The following PREX1 variants were observed in gnomAD, a reference collection of about 807,000 sequenced individuals.
The protein encoded by PREX1 is phosphatidylinositol 3,4,5-trisphosphate-dependent Rac exchanger 1 protein.
Under a neutral mutation model 198.3 loss-of-function variants are expected in PREX1, and 41 were observed. That is an observed-to-expected ratio of 0.21 (90% CI 0.16 to 0.27). PREX1 has a LOEUF of 0.27. PREX1 is among the 10% of genes least tolerant of loss of function. The pLI is 1.00. For missense variants in PREX1, 1,620 were observed against 2,200.7 expected, an observed-to-expected ratio of 0.74 and a Z score of 5.28; for synonymous variants, 843 against 887.2, an observed-to-expected ratio of 0.95 and a Z score of 0.89.
At chr20:48,760,480 A>G (rs1238766547) in intron 1 of PREX1, among the ~76,000 whole-genome samples, 1 of 151,978 alleles carries the variant, frequency 6.6e-6, no homozygotes, top group East Asian at 1.9e-4. Context: ...CTGACTGCCA[A>G]CCACGTGACT....
chr20:48,643,187 A>T (rs1271377242), intron 27 of PREX1, among the ~76,000 whole-genome samples: 2 of 152,260 alleles, frequency 1.3e-5, no homozygotes, highest in African/African-American at 2.4e-5. Flanking sequence ...AAAATAAAAA[A>T]CAATTTCAGG....
the PREX1 span, among the ~76,000 whole-genome samples, chr20:48,862,691 T>A: frequency 1.4e-5 from 2 of 145,560 alleles, no homozygotes; most frequent in African/African-American, 2.6e-5. Flanking sequence ...AAAAAAAGAA[T>A]GAAAAATTGG....
chr20:48,847,364 T>TAAAAA, the PREX1 span, among the ~76,000 whole-genome samples: 32 of 77,210 alleles, frequency 4.1e-4, no homozygotes, highest in Non-Finnish European at 4.9e-4. Flanking sequence ...CCTTCTCTTA[T>TAAAAA]AAAAAAAAAA....
chr20:48,775,486 GACA>G (rs1239149971), intron 1 of PREX1, among the ~76,000 whole-genome samples: 1 of 152,092 alleles, frequency 6.6e-6, no homozygotes, highest in Non-Finnish European at 1.5e-5. Flanking sequence ...GGTGCACAGG[GACA>G]ACAAGGAGAC....
chr20:48,774,581 G>A (rs373108199), intron 1 of PREX1, among the ~76,000 whole-genome samples: 5 of 152,338 alleles, frequency 3.3e-5, no homozygotes, highest in South Asian at 2.1e-4. Flanking sequence ...TCATAAAAGA[G>A]GGTGATTCTG....
At chr20:48,702,051 AT>A in intron 6 of PREX1, among the ~76,000 whole-genome samples, 1 of 152,208 alleles carries the variant, frequency 6.6e-6, no homozygotes, top group Admixed American at 6.5e-5. Flanking sequence ...CTCTACAAAA[AT>A]ACAAAAATTA....
chr20:48,669,474 G>T (rs1468708069), intron 14 of PREX1, among the ~76,000 whole-genome samples: 1 of 152,100 alleles, frequency 6.6e-6, no homozygotes, highest in Non-Finnish European at 1.5e-5. Context: ...ATGCGGGCAG[G>T]GACACTGCCT....
At chr20:48,784,067 G>A (rs1459245473) in intron 1 of PREX1, among the ~76,000 whole-genome samples, 1 of 152,120 alleles carries the variant, frequency 6.6e-6, no homozygotes, top group Non-Finnish European at 1.5e-5. Context: ...TGGCTGCCAG[G>A]CAAAGCTATA....
chr20:48,887,876 G>A, the PREX1 span, among the ~76,000 whole-genome samples: 1 of 151,388 alleles, frequency 6.6e-6, no homozygotes, highest in Admixed American at 6.6e-5. Context: ...CGTAAACCCG[G>A]GAGGCGGAGC....
At chr20:48,692,549 C>T in intron 8 of PREX1, 123 bp downstream of exon 8, 1 of 794,718 alleles carries the variant, frequency 1.3e-6, no homozygotes, top group Admixed American at 2.7e-5. Flanking sequence ...GCTCTGGGCA[C>T]TTTTCTGTAG....
At chr20:48,702,245 G>C (rs1275735398) in intron 6 of PREX1, among the ~76,000 whole-genome samples, 1 of 151,878 alleles carries the variant, frequency 6.6e-6, no homozygotes, top group African/African-American at 2.4e-5. Context: ...CTGAGGGCAG[G>C]GATGGGAAGG....
the PREX1 span, among the ~76,000 whole-genome samples, chr20:48,867,559 A>G: frequency 6.6e-3 from 1,005 of 152,330 alleles, 2 homozygotes; most frequent in African/African-American, 0.023. Flanking sequence ...ACAGGTGTAG[A>G]GTCTGCCACT....
At chr20:48,664,576 A>G (rs1226049966) in intron 15 of PREX1, among the ~76,000 whole-genome samples, 1 of 152,182 alleles carries the variant, frequency 6.6e-6, no homozygotes, top group East Asian at 1.9e-4. Flanking sequence ...TGTTCTAGAA[A>G]CAGGAAAATG....
chr20:48,882,525 A>AAAAAG, the PREX1 span, among the ~76,000 whole-genome samples: 21,286 of 96,668 alleles, frequency 0.22, 4,415 homozygotes, highest in Non-Finnish European at 0.29. Flanking sequence ...AAAAAAAAAA[A>AAAAAG]AGAGAGAATC....
intron 14 of PREX1, among the ~76,000 whole-genome samples, chr20:48,673,031 A>T (rs79357761): frequency 4.2e-4 from 34 of 80,952 alleles, no homozygotes; most frequent in African/African-American, 3.7e-3. Flanking sequence ...AAAATAATTA[A>T]AAAAAAAAAA....
intron 11 of PREX1, among the ~76,000 whole-genome samples, chr20:48,680,902 C>T (rs1433688029): frequency 6.6e-6 from 1 of 152,180 alleles, no homozygotes; most frequent in African/African-American, 2.4e-5. Context: ...TCCTCCCGTT[C>T]ATTGTGGTGT....
chr20:48,664,199 G>C (rs2089617884), intron 15 of PREX1, among the ~76,000 whole-genome samples: 1 of 152,110 alleles, frequency 6.6e-6, no homozygotes, highest in Non-Finnish European at 1.5e-5. Context: ...ACGGTGAAAT[G>C]CCATCTCTAC....
intron 1 of PREX1, among the ~76,000 whole-genome samples, chr20:48,799,900 C>T (rs2090379069): frequency 6.6e-6 from 1 of 152,130 alleles, no homozygotes; most frequent in Non-Finnish European, 1.5e-5. Context: ...TAGGATCTCA[C>T]TCTAATCTGC....
intron 9 of PREX1, 116 bp downstream of exon 9, chr20:48,690,831 C>T: frequency 1.4e-6 from 2 of 1,424,708 alleles, no homozygotes; most frequent in Non-Finnish European, 1.9e-6. Flanking sequence ...CTGCTTCTTA[C>T]AGCTCTGATC....
Sources: gnomAD v4.1 joint callset for allele counts (sites outside exome capture counted in the v4.1 genomes callset) on GRCh38, gnomAD v4.1.1 for gene constraint, MANE v1.5 for transcripts, NCBI Gene and HGNC (gene_info 2026-07-23, HGNC 2026-07-21) for gene names.